AKAP19: variants seen among roughly 807,000 people sequenced by gnomAD.
The protein encoded by AKAP19 is small A-kinase anchoring protein.
At chr2:190,080,906 T>G in the AKAP19 span, among the ~76,000 whole-genome samples, 2 of 152,192 alleles carry the variant, frequency 1.3e-5, no homozygotes, top group African/African-American at 4.8e-5. Context: ...TTCCATTTCA[T>G]GAAGGCAGTG....
At chr2:190,131,325 G>A in the AKAP19 span, among the ~76,000 whole-genome samples, 1 of 152,134 alleles carries the variant, frequency 6.6e-6, no homozygotes, top group Non-Finnish European at 1.5e-5. Flanking sequence ...AGAGAGGTTG[G>A]AAATGGAGTT....
the AKAP19 span, among the ~76,000 whole-genome samples, chr2:190,140,367 T>G: frequency 6.6e-6 from 1 of 152,142 alleles, no homozygotes; most frequent in African/African-American, 2.4e-5. Flanking sequence ...GATCTCAGTG[T>G]GGGGGCTCCC....
the AKAP19 span, among the ~76,000 whole-genome samples, chr2:190,191,464 T>C: frequency 6.6e-6 from 1 of 152,190 alleles, no homozygotes; most frequent in African/African-American, 2.4e-5. Context: ...TTTTTTTATG[T>C]GAACACAAAT....
the AKAP19 span, among the ~76,000 whole-genome samples, chr2:190,041,631 T>C: frequency 6.6e-6 from 1 of 152,202 alleles, no homozygotes; most frequent in African/African-American, 2.4e-5. Flanking sequence ...TTTTGCCTAT[T>C]CAGTATGTTG....
At chr2:190,200,234 A>ATAAC in the AKAP19 span, 2 of 1,059,462 alleles carry the variant, frequency 1.9e-6, no homozygotes, top group Admixed American at 2.0e-5. Context: ...AAAAGTACAA[A>ATAAC]TAACTATCTG....
the AKAP19 span, among the ~76,000 whole-genome samples, chr2:190,028,818 T>C: frequency 6.6e-6 from 1 of 152,268 alleles, no homozygotes; most frequent in African/African-American, 2.4e-5. Context: ...ATATCTTTTT[T>C]CCAAAGATTC....
At chr2:189,913,167 T>A in the AKAP19 span, among the ~76,000 whole-genome samples, 1 of 152,138 alleles carries the variant, frequency 6.6e-6, no homozygotes, top group Non-Finnish European at 1.5e-5. Context: ...TTTCTAAACC[T>A]AATTTGACAA....
the AKAP19 span, among the ~76,000 whole-genome samples, chr2:190,113,684 A>G: frequency 6.6e-6 from 1 of 152,182 alleles, no homozygotes; most frequent in Admixed American, 6.5e-5. Context: ...CCTCTTTTCT[A>G]TCCCAGGAGT....
the AKAP19 span, among the ~76,000 whole-genome samples, chr2:190,069,185 A>T: frequency 0.023 from 3,469 of 149,236 alleles, 151 homozygotes; most frequent in East Asian, 0.17. Context: ...TGAGAGAGAG[A>T]GAGAGAGAGA....
chr2:189,940,563 C>A, the AKAP19 span, among the ~76,000 whole-genome samples: 2 of 151,484 alleles, frequency 1.3e-5, no homozygotes, highest in South Asian at 2.1e-4. Flanking sequence ...GGAAGCTGAG[C>A]AAGAGCAAGG....
the AKAP19 span, among the ~76,000 whole-genome samples, chr2:190,178,225 C>T: frequency 1.3e-5 from 2 of 152,176 alleles, no homozygotes; most frequent in African/African-American, 2.4e-5. This position sits in a 1 kb window ranked among gnomAD's most constrained non-coding sequence, Gnocchi z 6.3. Context: ...CCAGCTTTCC[C>T]GAATCCCAGG....
At chr2:190,134,671 T>G in the AKAP19 span, among the ~76,000 whole-genome samples, 1 of 98,768 alleles carries the variant, frequency 1.0e-5, no homozygotes, top group Non-Finnish European at 2.2e-5. Flanking sequence ...TTCCCAGATC[T>G]CCAATGGTTA....
At chr2:189,996,213 C>T in the AKAP19 span, among the ~76,000 whole-genome samples, 4 of 152,218 alleles carry the variant, frequency 2.6e-5, no homozygotes, top group African/African-American at 4.8e-5. Context: ...GATTCCTCTT[C>T]TTCCTCAGGA....
chr2:190,110,882 G>T, the AKAP19 span, among the ~76,000 whole-genome samples: 1 of 152,310 alleles, frequency 6.6e-6, no homozygotes, highest in South Asian at 2.1e-4. Flanking sequence ...ACCATAAGGA[G>T]GAGACGAATA....
At chr2:190,184,657 C>T in the AKAP19 span, among the ~76,000 whole-genome samples, 5 of 152,222 alleles carry the variant, frequency 3.3e-5, no homozygotes, top group African/African-American at 7.2e-5. Flanking sequence ...TAAGGAGATA[C>T]GGCTTCCCCT....
chr2:190,049,634 G>A, the AKAP19 span, among the ~76,000 whole-genome samples: 1 of 152,204 alleles, frequency 6.6e-6, no homozygotes, highest in Admixed American at 6.5e-5. Context: ...AATGCAATGA[G>A]CATGGCAGAG....
At chr2:190,136,094 T>C in the AKAP19 span, among the ~76,000 whole-genome samples, 1 of 152,028 alleles carries the variant, frequency 6.6e-6, no homozygotes, top group Non-Finnish European at 1.5e-5. Flanking sequence ...AGCAAATATA[T>C]GGGTGTCTAC....
the AKAP19 span, among the ~76,000 whole-genome samples, chr2:190,194,475 TATACACAC>T: frequency 1.2e-3 from 158 of 126,912 alleles, 1 homozygote; most frequent in African/African-American, 5.0e-3. Flanking sequence ...GTATCCTGTG[TATACACAC>T]ACACACACAC....
At chr2:190,170,750 T>C in the AKAP19 span, among the ~76,000 whole-genome samples, 1 of 152,180 alleles carries the variant, frequency 6.6e-6, no homozygotes, top group African/African-American at 2.4e-5. Flanking sequence ...ATTGGGATGA[T>C]GTATTGTGGT....
Sources: gnomAD v4.1 joint callset for allele counts (sites outside exome capture counted in the v4.1 genomes callset) on GRCh38, gnomAD v4.1.1 for gene constraint, Gnocchi (gnomAD v3.1) non-coding constraint, MANE v1.5 for transcripts, NCBI Gene and HGNC (gene_info 2026-07-23, HGNC 2026-07-21) for gene names.